The following AFAP1 variants were observed in gnomAD, a reference collection of about 807,000 sequenced individuals.
AFAP1 encodes actin filament-associated protein 1.
AFAP1 carries 75 observed loss-of-function variants against 93.9 expected under a neutral mutation model. The observed-to-expected ratio is 0.80, with a 90% CI of 0.66 to 0.97. The LOEUF is 0.97. Among genes scored for constraint, AFAP1 ranks in the 50% least tolerant of loss-of-function variants. The probability of loss-of-function intolerance (pLI) is 0.00; values close to 1 mark genes in which losing one functional copy is unlikely to be tolerated. For missense variants in AFAP1, 1,201 were observed against 1,050.8 expected, an observed-to-expected ratio of 1.14 and a Z score of -1.98; for synonymous variants, 517 against 430.7, an observed-to-expected ratio of 1.20 and a Z score of -2.48.
intron 4 of AFAP1, among the ~76,000 whole-genome samples, chr4:7,849,967 G>T (rs1714250223): frequency 6.6e-6 from 1 of 152,132 alleles, no homozygotes; most frequent in Non-Finnish European, 1.5e-5. Context: ...GGGGTGGAGG[G>T]CAGTGAGCAG....
chr4:7,825,292 C>G (rs1007390400), intron 6 of AFAP1, among the ~76,000 whole-genome samples: 1 of 152,190 alleles, frequency 6.6e-6, no homozygotes, highest in African/African-American at 2.4e-5. Flanking sequence ...CTCTAGCGCA[C>G]TACCTTCTGG....
intron 11 of AFAP1, among the ~76,000 whole-genome samples, chr4:7,792,357 C>T (rs1212678856): frequency 1.3e-5 from 2 of 152,148 alleles, no homozygotes; most frequent in Non-Finnish European, 2.9e-5. Context: ...AAAAAAACTG[C>T]TCACTGACAT....
At chr4:7,796,004 T>C (rs572805723) in intron 10 of AFAP1, among the ~76,000 whole-genome samples, 1 of 152,152 alleles carries the variant, frequency 6.6e-6, no homozygotes, top group Non-Finnish European at 1.5e-5. Flanking sequence ...TGTATGCATG[T>C]ACGTGTATAT....
chr4:7,869,433 A>C (rs1345382456), intron 2 of AFAP1, among the ~76,000 whole-genome samples: 1 of 152,104 alleles, frequency 6.6e-6, no homozygotes, highest in African/African-American at 2.4e-5. Flanking sequence ...GGAATCAATA[A>C]ATTTTTATTA....
At chr4:7,815,033 AC>A (rs986163910) in intron 8 of AFAP1, among the ~76,000 whole-genome samples, 1 of 152,272 alleles carries the variant, frequency 6.6e-6, no homozygotes, top group Non-Finnish European at 1.5e-5. Flanking sequence ...AAATGGGAAA[AC>A]AAAATGTGGT....
chr4:7,781,661 G>C (rs966032698), intron 12 of AFAP1, 34 bp from the exon 13 acceptor site: 71 of 1,546,918 alleles, frequency 4.6e-5, no homozygotes, highest in Non-Finnish European at 6.1e-5. Flanking sequence ...TTAGTGACTT[G>C]GACACAGGAA....
At chr4:7,810,567 G>A (rs1190829452) in intron 8 of AFAP1, among the ~76,000 whole-genome samples, 2 of 152,222 alleles carry the variant, frequency 1.3e-5, no homozygotes, top group Non-Finnish European at 1.5e-5. Flanking sequence ...ACCTGACTCG[G>A]CCCTATGCAG....
intron 3 of AFAP1, among the ~76,000 whole-genome samples, chr4:7,867,192 G>C (rs533014125): frequency 2.0e-5 from 3 of 151,954 alleles, no homozygotes; most frequent in Admixed American, 1.3e-4. Context: ...TCCACACCTA[G>C]TGAACCAGAA....
At chr4:7,873,260 A>AAC (rs1553850250) in intron 1 of AFAP1, among the ~76,000 whole-genome samples, 1,482 of 146,080 alleles carry the variant, frequency 0.01, 32 homozygotes, top group Non-Finnish European at 0.017. Context: ...AAAAAAAAAA[A>AAC]ACCCCACTTT....
intron 5 of AFAP1, among the ~76,000 whole-genome samples, chr4:7,840,354 C>T (rs550274235): frequency 1.9e-4 from 28 of 150,664 alleles, no homozygotes; most frequent in Admixed American, 1.5e-3. Flanking sequence ...CTCTCCGGTG[C>T]CCAGGCTGAA....
chr4:7,915,725 G>C (rs1444936307), intron 1 of AFAP1, among the ~76,000 whole-genome samples: 3 of 152,270 alleles, frequency 2.0e-5, no homozygotes, highest in Admixed American at 1.3e-4. Flanking sequence ...GCTGAGGACT[G>C]AAAGGAGAAC....
intron 1 of AFAP1, among the ~76,000 whole-genome samples, chr4:7,898,692 A>T (rs1033710626): frequency 1.3e-5 from 2 of 150,850 alleles, no homozygotes; most frequent in African/African-American, 4.9e-5. Flanking sequence ...CCCTTTGTGA[A>T]CCCATCCTGT....
Position 7,908,908 on chromosome 4 carries a change from G to GTGTA in AFAP1, c.-3+30744_-3+30747dup, listed in dbSNP as rs201380346. Among the ~76,000 whole-genome samples the GTGTA allele has an allele frequency of 7.3e-3, 1,043 of 143,186 alleles. 8 individuals carry two copies. Among genetic ancestry groups the GTGTA allele is most frequent in the African/African-American group, 0.024 (932 of 39,538 alleles). 93.9% of individuals were successfully genotyped at this position (143,186 alleles called of 152,430 possible). On this transcript the variant is annotated intron_variant, in intron 1 of 17. Coordinates refer to ENST00000420658, the MANE Select transcript of AFAP1 (RefSeq NM_001134647.2). ...AAAGGTGCACATAGCCACGTGCTTA[G>GTGTA]TGTAGGAAGTGAAACCAAACAAACA...
chr4:7,901,348 T>C (rs948426303), intron 1 of AFAP1, among the ~76,000 whole-genome samples: 3 of 152,236 alleles, frequency 2.0e-5, no homozygotes, highest in Non-Finnish European at 4.4e-5. Flanking sequence ...TACTTTTCCA[T>C]ACTTTCCACC....
At chr4:7,768,823 C>A (rs1387687861) in intron 17 of AFAP1, 21 bp downstream of exon 17, 5 of 1,560,930 alleles carry the variant, frequency 3.2e-6, no homozygotes, top group Admixed American at 1.8e-5. Flanking sequence ...CACCCAGACA[C>A]CCCCGGACAT....
At chr4:7,845,106 A>G (rs1460035612) in intron 4 of AFAP1, among the ~76,000 whole-genome samples, 1 of 152,212 alleles carries the variant, frequency 6.6e-6, no homozygotes, top group Non-Finnish European at 1.5e-5. Context: ...TTAGAGTTTA[A>G]GTTGAATTTT....
chr4:7,891,741 A>AT lies in AFAP1; in HGVS notation c.-2-19662dup, dbSNP rs1398066092. Among the ~76,000 whole-genome samples, 5 of 124,194 alleles carry AT rather than the reference A, an allele frequency of 4.0e-5. No individual in the cohort carries two copies. In the South Asian group the frequency reaches 7.4e-4, roughly 18 times the overall value. 81.5% of individuals were successfully genotyped at this position (124,194 alleles called of 152,430 possible). On this transcript the variant is annotated intron_variant, in intron 1 of 17. Transcript: ENST00000420658. ...AGGTTGAACTTATAAATATGGTCTC[A>AT]TTAAAAAAAAAAAAAAAAAAAAAAA...
Position 7,762,484 on chromosome 4 carries a change from G to C in AFAP1, c.*1281C>G, listed in dbSNP as rs370727462. On this transcript the variant is annotated 3_prime_UTR_variant, in exon 18 of 18. Coordinates refer to ENST00000420658, the MANE Select transcript of AFAP1 (RefSeq NM_001134647.2). ...TTCCCGTACTGGAGAATTCCTGACA[G>C]CAGCCTCCGGGAGACCAAGAAGTTA... 11 of 152,246 alleles carry C rather than the reference G, an allele frequency of 7.2e-5. No homozygotes were observed. The highest frequency in any genetic ancestry group is 2.7e-4 in the African/African-American group (11 of 41,456). The allele number at this position is 152,246 out of a possible 1,614,324, so 9.4% of individuals were successfully genotyped here.
At chr4:7,779,744 A>G (rs1219241042) in intron 13 of AFAP1, among the ~76,000 whole-genome samples, 2 of 152,194 alleles carry the variant, frequency 1.3e-5, no homozygotes, top group African/African-American at 2.4e-5. Flanking sequence ...TTAAAAACAT[A>G]AAGAGATACC....
Sources: allele counts gnomAD v4.1 joint callset (sites outside exome capture counted in the v4.1 genomes callset), GRCh38; gene constraint gnomAD v4.1.1; transcripts MANE v1.5; gene names NCBI Gene and HGNC (gene_info 2026-07-23, HGNC 2026-07-21).